PTPRO: variants seen among roughly 807,000 people sequenced by gnomAD.
PTPRO encodes protein tyrosine phosphatase receptor type O.
A neutral mutation model predicts 145.2 loss-of-function variants in PTPRO; 62 were observed. The observed-to-expected ratio is 0.43, with a 90% CI of 0.35 to 0.53. The LOEUF (loss-of-function observed/expected upper bound fraction) is 0.53. Among genes scored for constraint, PTPRO ranks in the 20% least tolerant of loss-of-function variants. PTPRO has a pLI of 0.01. For synonymous variants in PTPRO, 565 were observed against 514.7 expected (o/e 1.10, Z -1.32); for missense variants, 1,345 against 1,482.7 (o/e 0.91, Z 1.53).
intron 11 of PTPRO, 148 bp downstream of exon 11, chr12:15,525,113 A>G (rs1942810573): frequency 3.2e-6 from 3 of 941,288 alleles, no homozygotes; most frequent in Admixed American, 4.2e-5. Flanking sequence ...GTGAACAAAA[A>G]TTGAATTCTT....
At chr12:15,575,333 G>A (rs958338932) in intron 19 of PTPRO, among the ~76,000 whole-genome samples, 1 of 152,176 alleles carries the variant, frequency 6.6e-6, no homozygotes, top group African/African-American at 2.4e-5. Flanking sequence ...TGCAAACATG[G>A]TGAACTTCCC....
chr12:15,371,584 C>T (rs1221273100), intron 1 of PTPRO, among the ~76,000 whole-genome samples: 1 of 152,098 alleles, frequency 6.6e-6, no homozygotes, highest in East Asian at 1.9e-4. Context: ...TCAGCCCTAC[C>T]CATTCACTAA....
rs1591762066 is a variant in PTPRO at position 15,383,560 on chromosome 12, C to T, written c.75+60759C>T. ...AGAACCAGGGCTTATGATACAGCCT[C>T]GGGACATCTTGAGAACATGTGCCCA... On this transcript the variant is annotated intron_variant, in intron 1 of 26. Transcript: ENST00000281171. Among the ~76,000 whole-genome samples the T allele has an allele frequency of 4.6e-5, 7 of 152,240 alleles. 1 individual carries two copies. The highest frequency in any genetic ancestry group is 3.3e-4 in the Admixed American group (5 of 15,282).
At chr12:15,545,685 T>G (rs1408847981) in intron 12 of PTPRO, among the ~76,000 whole-genome samples, 2 of 151,950 alleles carry the variant, frequency 1.3e-5, no homozygotes, top group African/African-American at 2.4e-5. Context: ...GATAAAAAAT[T>G]TATCTAATGT....
Position 15,322,720 on chromosome 12 carries a change from C to G in PTPRO, c.-7C>G. On this transcript the variant is annotated 5_prime_UTR_variant, in exon 1 of 27. Coordinates refer to ENST00000281171, the MANE Select transcript of PTPRO (RefSeq NM_030667.3). This position sits in a 1 kb window ranked among gnomAD's most constrained non-coding sequence, Gnocchi z 6.3. Reference sequence around the variant, plus strand: ...AGCCGTGCCCCCGAGTCCCCGTCCGCGCAGCGATGGGGCACCTGCCCACGG... The same window carrying G: ...AGCCGTGCCCCCGAGTCCCCGTCCGGGCAGCGATGGGGCACCTGCCCACGG... 1 of 1,610,438 alleles carries G rather than the reference C, an allele frequency of 6.2e-7. No individual in the cohort carries two copies. Among genetic ancestry groups the G allele is most frequent in the Non-Finnish European group, 8.5e-7 (1 of 1,178,568 alleles).
At chr12:15,449,681 C>T (rs1465849761) in intron 1 of PTPRO, among the ~76,000 whole-genome samples, 1 of 152,088 alleles carries the variant, frequency 6.6e-6, no homozygotes, top group East Asian at 1.9e-4. Context: ...ATAGCAAAAC[C>T]TCATGTTATA....
chr12:15,370,551 A>G (rs1199125105), intron 1 of PTPRO, among the ~76,000 whole-genome samples: 2 of 152,210 alleles, frequency 1.3e-5, no homozygotes, highest in African/African-American at 4.8e-5. Flanking sequence ...ATTTCATTAT[A>G]AATATCTAGG....
intron 12 of PTPRO, among the ~76,000 whole-genome samples, chr12:15,546,105 T>C (rs1480892357): frequency 1.3e-5 from 2 of 152,208 alleles, no homozygotes; most frequent in African/African-American, 4.8e-5. Flanking sequence ...GTCTGAATTG[T>C]TCCAGATAGT....
At chr12:15,478,685 T>A (rs1941711406) in intron 1 of PTPRO, among the ~76,000 whole-genome samples, 1 of 152,024 alleles carries the variant, frequency 6.6e-6, no homozygotes, top group East Asian at 1.9e-4. Flanking sequence ...ATTTTTTTTT[T>A]CTTTGAGACA....
At chr12:15,589,694 C>A in intron 25 of PTPRO, 104 bp downstream of exon 25, 2 of 1,390,960 alleles carry the variant, frequency 1.4e-6, no homozygotes, top group Non-Finnish European at 2.0e-6. Flanking sequence ...TTCTTTGTAT[C>A]TTTCTTTCCC....
At chr12:15,453,265 A>G (rs1229239237) in intron 1 of PTPRO, among the ~76,000 whole-genome samples, 1 of 152,064 alleles carries the variant, frequency 6.6e-6, no homozygotes, top group Non-Finnish European at 1.5e-5. Context: ...TTCTGGGATG[A>G]CAGGTATGAG....
intron 12 of PTPRO, among the ~76,000 whole-genome samples, chr12:15,536,419 C>T (rs1943066828): frequency 6.6e-6 from 1 of 152,076 alleles, no homozygotes; most frequent in African/African-American, 2.4e-5. Context: ...CCACAGGTGC[C>T]CAGCTATGGA....
At chr12:15,353,533 C>T (rs575889382) in intron 1 of PTPRO, among the ~76,000 whole-genome samples, 11 of 152,146 alleles carry the variant, frequency 7.2e-5, no homozygotes, top group South Asian at 2.1e-4. Context: ...GGATGTCTAA[C>T]GAATTCCCAC....
At chr12:15,399,986 G>A (rs1210619776) in intron 1 of PTPRO, among the ~76,000 whole-genome samples, 1 of 148,766 alleles carries the variant, frequency 6.7e-6, no homozygotes, top group Non-Finnish European at 1.5e-5. Context: ...AGGAGGTGGA[G>A]GTTGCAGTGA....
chr12:15,475,437 T>C (rs1163299521), intron 1 of PTPRO, among the ~76,000 whole-genome samples: 1 of 152,198 alleles, frequency 6.6e-6, no homozygotes, highest in Non-Finnish European at 1.5e-5. Flanking sequence ...TATAAATAAA[T>C]ATTTTCTCCT....
At chr12:15,354,624 G>A (rs1937925652) in intron 1 of PTPRO, among the ~76,000 whole-genome samples, 1 of 151,956 alleles carries the variant, frequency 6.6e-6, no homozygotes. Context: ...TTATTTGACT[G>A]CTTGTTTTTC....
intron 23 of PTPRO, among the ~76,000 whole-genome samples, 177 bp from the exon 24 acceptor site, chr12:15,586,720 T>G (rs576554315): frequency 6.8e-6 from 1 of 147,972 alleles, no homozygotes; most frequent in Admixed American, 6.7e-5. Flanking sequence ...ATTAGCGTGG[T>G]TTTTTTTTTC....
At chr12:15,471,118 C>G (rs1301973658) in intron 1 of PTPRO, among the ~76,000 whole-genome samples, 1 of 152,090 alleles carries the variant, frequency 6.6e-6, no homozygotes, top group East Asian at 1.9e-4. Flanking sequence ...ATTTTGAAAC[C>G]ATAAAGAATG....
At chr12:15,484,682 A>T (rs1363268987) in intron 2 of PTPRO, among the ~76,000 whole-genome samples, 3 of 152,238 alleles carry the variant, frequency 2.0e-5, no homozygotes, top group Non-Finnish European at 1.5e-5. Flanking sequence ...TTTGGCTGAG[A>T]GAGAGAAAAA....
Sources: gnomAD v4.1 joint callset for allele counts (sites outside exome capture counted in the v4.1 genomes callset) on GRCh38, gnomAD v4.1.1 for gene constraint, Gnocchi (gnomAD v3.1) non-coding constraint, MANE v1.5 for transcripts, NCBI Gene and HGNC (gene_info 2026-07-23, HGNC 2026-07-21) for gene names.